FKBP5: variants seen among roughly 807,000 people sequenced by gnomAD.
The protein encoded by FKBP5 is peptidyl-prolyl cis-trans isomerase FKBP5.
A neutral mutation model predicts 50.5 loss-of-function variants in FKBP5; 23 were observed. The observed-to-expected ratio is 0.46, with a 90% CI of 0.33 to 0.65. The LOEUF (loss-of-function observed/expected upper bound fraction) is 0.65, where lower values mean the gene tolerates loss of function less well. Ranked by LOEUF, FKBP5 falls within the 30% of genes least tolerant of loss-of-function variation. FKBP5 has a pLI of 0.02. For synonymous variants in FKBP5, 176 were observed against 190.6 expected (o/e 0.92, Z 0.63); for missense variants, 411 against 553.1 (o/e 0.74, Z 2.58).
intron 1 of FKBP5, among the ~76,000 whole-genome samples, chr6:35,687,686 C>T (rs757970746): frequency 2.0e-5 from 3 of 152,164 alleles, no homozygotes; most frequent in Non-Finnish European, 4.4e-5. Context: ...AAAACATACT[C>T]CTGAAAAGTA....
rs190584647 is a variant in FKBP5, at chr6:35,708,408, C to T, written c.-20+11920G>A. On this transcript the variant is annotated intron_variant, in intron 2 of 11. Transcript: ENST00000536438. Reference sequence around the variant, plus strand: ...TAGCTGGGATGGGTGTGCACCACCACGCCTGGGTAATTTTTGTATATATAG... The same window carrying T: ...TAGCTGGGATGGGTGTGCACCACCATGCCTGGGTAATTTTTGTATATATAG... Among the ~76,000 whole-genome samples, 145 of 152,144 alleles carry T rather than the reference C, an allele frequency of 9.5e-4. 1 individual carries two copies. The highest frequency in any genetic ancestry group is 3.3e-3 in the African/African-American group (138 of 41,500).
intron 1 of FKBP5, among the ~76,000 whole-genome samples, chr6:35,724,762 A>C (rs1766669822): frequency 6.6e-6 from 1 of 151,882 alleles, no homozygotes; most frequent in Non-Finnish European, 1.5e-5. Context: ...TCTCAGAAAA[A>C]AAAAAAAAAA....
intron 8 of FKBP5, chr6:35,583,914 C>A: frequency 2.0e-6 from 2 of 985,284 alleles, no homozygotes; most frequent in South Asian, 9.4e-5. Flanking sequence ...TAGCAAAGCC[C>A]GATTTATCTG....
chr6:35,680,400 A>G (rs1765634090), intron 1 of FKBP5, among the ~76,000 whole-genome samples: 1 of 152,262 alleles, frequency 6.6e-6, no homozygotes, highest in Non-Finnish European at 1.5e-5. Context: ...ACTGCACTCC[A>G]GACTGGGCAA....
chr6:35,626,047 G>A (rs1211492155), intron 3 of FKBP5, among the ~76,000 whole-genome samples: 3 of 152,010 alleles, frequency 2.0e-5, no homozygotes, highest in Non-Finnish European at 1.5e-5. Context: ...CCAAAGTGCT[G>A]GGATTACAGG....
intron 1 of FKBP5, among the ~76,000 whole-genome samples, chr6:35,665,110 C>G (rs148737749): frequency 6.6e-6 from 1 of 152,146 alleles, no homozygotes; most frequent in Non-Finnish European, 1.5e-5. Flanking sequence ...TACCTCCAGA[C>G]GGCTCACTCA....
chr6:35,630,872 C>T (rs753340071), intron 3 of FKBP5, among the ~76,000 whole-genome samples: 90 of 152,204 alleles, frequency 5.9e-4, no homozygotes, highest in African/African-American at 2.1e-3. Flanking sequence ...TTTACTTTTC[C>T]GAAGACCAAT....
intron 1 of FKBP5, among the ~76,000 whole-genome samples, chr6:35,650,319 A>T (rs1328597811): frequency 6.6e-6 from 1 of 151,480 alleles, no homozygotes; most frequent in Non-Finnish European, 1.5e-5. Context: ...AAAAAAAAGG[A>T]AAAAAGAATA....
At position 35,695,990 on chromosome 6, in the gene FKBP5, A is replaced by T. The variant is rs149281391; in HGVS notation, c.-20+24338T>A. Reference sequence around the variant, plus strand: ...AAACCCTGTCTCTACAGAAAATACAAAAAAATTAGCTAGGCATGGTGGCAG... The same window carrying T: ...AAACCCTGTCTCTACAGAAAATACATAAAAATTAGCTAGGCATGGTGGCAG... On this transcript the variant is annotated intron_variant, in intron 2 of 11. Coordinates refer to the FKBP5 transcript ENST00000536438. Among the ~76,000 whole-genome samples the T allele has an allele frequency of 6.1e-4, 93 of 151,932 alleles. 1 individual carries two copies. Among genetic ancestry groups the T allele is most frequent in the African/African-American group, 2.2e-3 (90 of 41,450 alleles).
chr6:35,669,667 C>T (rs1353561855), intron 1 of FKBP5, among the ~76,000 whole-genome samples: 2 of 152,146 alleles, frequency 1.3e-5, no homozygotes, highest in Non-Finnish European at 2.9e-5. Context: ...AATATAATTA[C>T]AATGCATAGA....
chr6:35,620,380 G>T, intron 3 of FKBP5, 106 bp from the exon 4 acceptor site: 1 of 1,150,494 alleles, frequency 8.7e-7, no homozygotes, highest in Non-Finnish European at 1.2e-6. Context: ...TACATACTCA[G>T]CTAGAAAGTA....
intron 8 of FKBP5, chr6:35,583,560 T>C: frequency 1.0e-6 from 1 of 985,360 alleles, no homozygotes; most frequent in Non-Finnish European, 1.2e-6. Context: ...CTAAAGCAGT[T>C]CTCAACTGGG....
chr6:35,683,106 A>G (rs1422867160), intron 1 of FKBP5, among the ~76,000 whole-genome samples: 3 of 142,866 alleles, frequency 2.1e-5, no homozygotes, highest in East Asian at 2.1e-4. Context: ...GTGTGTGTGT[A>G]TATATATACG....
chr6:35,670,228 T>C (rs1765345623), intron 1 of FKBP5, among the ~76,000 whole-genome samples: 2 of 152,220 alleles, frequency 1.3e-5, no homozygotes, highest in Admixed American at 6.5e-5. Flanking sequence ...TTATTTCACA[T>C]GAATCATGAT....
Position 35,578,055 on chromosome 6 carries a change from CAAAA to C in FKBP5, c.1027-826_1027-823del, listed in dbSNP as rs143946034. ...GGTGACAGAGTGAGACTCTTGTCTCCAAAAAAAAAAAAAAAAAAAAGTTCTTACC... is the reference window on the plus strand; with the variant it reads ...GGTGACAGAGTGAGACTCTTGTCTCCAAAAAAAAAAAAAAAAGTTCTTACC... On this transcript the variant is annotated intron_variant, in intron 9 of 10. Transcript: ENST00000357266. 8.6e-5 allele frequency among the ~76,000 whole-genome samples: 9 copies of C among 104,282 alleles called. No homozygotes were observed. The South Asian group carries it at 9.1e-4, about 11-fold the overall frequency. 68.4% of individuals were successfully genotyped at this position (104,282 alleles called of 152,430 possible).
intron 2 of FKBP5, among the ~76,000 whole-genome samples, chr6:35,699,523 T>C (rs1766141285): frequency 6.6e-6 from 1 of 152,210 alleles, no homozygotes; most frequent in Non-Finnish European, 1.5e-5. Flanking sequence ...ACATGTACAA[T>C]ACACTCACTG....
Position 35,703,052 on chromosome 6 carries a change from C to T in FKBP5, c.-20+17276G>A, listed in dbSNP as rs573763668. On this transcript the variant is annotated intron_variant, in intron 2 of 11. Transcript: ENST00000536438. ...ATCACCTGAGGTCAGGAGTTCAAGA[C>T]CAGCCTGGCCAACATGGCGAAACCC... Among the ~76,000 whole-genome samples, 128 of 152,216 alleles carry T rather than the reference C, an allele frequency of 8.4e-4. 2 individuals are homozygous for T. Among genetic ancestry groups the T allele is most frequent in the African/African-American group, 3.0e-3 (124 of 41,536 alleles).
At chr6:35,714,508 G>A (rs1766478397) in intron 2 of FKBP5, among the ~76,000 whole-genome samples, 1 of 148,864 alleles carries the variant, frequency 6.7e-6, no homozygotes, top group Non-Finnish European at 1.5e-5. Flanking sequence ...CTCTCAAAAT[G>A]TATTTTCTTC....
Position 35,573,736 on chromosome 6 carries a change from A to G in FKBP5, c.*2099T>C, listed in dbSNP as rs1762127899. 1.3e-5 allele frequency: 2 copies of G among 152,120 alleles called. No individual in the cohort carries two copies. The highest frequency in any genetic ancestry group is 4.8e-5 in the African/African-American group (2 of 41,418). 9.4% of individuals were successfully genotyped at this position (152,120 alleles called of 1,614,324 possible). A position where few individuals can be genotyped will look rare whatever the true frequency, so the allele number is the denominator to read the frequency against. ...AAAGGTGGTTGAAAGATGTCTGTGG[A>G]CTTCTACACAAATTGTTTAAGATTA... On this transcript the variant is annotated 3_prime_UTR_variant, in exon 11 of 11. Coordinates refer to ENST00000357266, the MANE Select transcript of FKBP5 (RefSeq NM_004117.4).
Sources: allele counts gnomAD v4.1 joint callset (sites outside exome capture counted in the v4.1 genomes callset), GRCh38; gene constraint gnomAD v4.1.1; transcripts MANE v1.5; gene names NCBI Gene and HGNC (gene_info 2026-07-23, HGNC 2026-07-21).